The following INTS7 variants were observed in gnomAD, a reference collection of about 807,000 sequenced individuals.
INTS7 encodes the protein integrator complex subunit 7, also known as chromosome 1 open reading frame 73.
INTS7 carries 46 observed loss-of-function variants against 109.2 expected under a neutral mutation model. The observed-to-expected ratio is 0.42, with a 90% CI of 0.33 to 0.54. The LOEUF is 0.54. Ranked by LOEUF, INTS7 falls within the 20% of genes least tolerant of loss-of-function variation. The probability of loss-of-function intolerance (pLI) is 0.07; values close to 1 mark genes in which losing one functional copy is unlikely to be tolerated. For missense variants in INTS7, 929 were observed against 1,132.4 expected (o/e 0.82, Z 2.58); for synonymous variants, 412 against 402.9 (o/e 1.02, Z -0.27).
intron 1 of INTS7, among the ~76,000 whole-genome samples, chr1:212,026,815 GA>G (rs1666943303): frequency 6.6e-6 from 1 of 152,158 alleles, no homozygotes; most frequent in Admixed American, 6.5e-5. Context: ...AACCTTGGCT[GA>G]GATGAAAAAG....
chr1:211,991,712 A>G (rs1665155826), intron 7 of INTS7, among the ~76,000 whole-genome samples: 1 of 152,268 alleles, frequency 6.6e-6, no homozygotes. Flanking sequence ...CTCAGGTAAA[A>G]GGACTAGATT....
At chr1:211,967,280 G>A (rs146359659) in intron 15 of INTS7, among the ~76,000 whole-genome samples, 3,953 of 151,644 alleles carry the variant, frequency 0.026, 58 homozygotes, top group African/African-American at 0.046. Flanking sequence ...GTGAAACCCC[G>A]TCTCTACTAA....
Position 211,982,798 on chromosome 1 carries a change from G to A in INTS7, c.1010C>T (p.Ser337Phe), listed in dbSNP as rs144912933. The change falls in exon 9 of 20, where the codon TCT becomes TTT. Residue 337 changes from serine (S) to phenylalanine (F), a missense_variant. Physicochemically the swap from Ser to Phe is radical, Grantham distance 155 (BLOSUM62 -2). Around this residue, in one of 2 missense-constraint regions of INTS7, gnomAD observed 787 missense variants for 901.1 expected, o/e 0.87. Coordinates refer to ENST00000366994, the MANE Select transcript of INTS7 (RefSeq NM_015434.4). ...GACTAAATCAGAAGATCTGGGAGAA[G>A]AACTCACATTTCCTAAAAAAGCAGA... ...YFSIVPGNVS[S>F]SPRSSDLVKL... 88 of 1,605,048 alleles carry A rather than the reference G, an allele frequency of 5.5e-5. No individual in the cohort carries two copies. Among genetic ancestry groups the A allele is most frequent in the Non-Finnish European group, 7.4e-5 (87 of 1,175,738 alleles).
chr1:211,978,030 C>T (rs1450445289), intron 11 of INTS7, among the ~76,000 whole-genome samples: 1 of 152,002 alleles, frequency 6.6e-6, no homozygotes, highest in Non-Finnish European at 1.5e-5. Context: ...GACAGGGTTT[C>T]GGAAGAAAGC....
intron 8 of INTS7, 22 bp downstream of exon 8, chr1:211,987,864 G>T: frequency 2.4e-6 from 3 of 1,265,694 alleles, no homozygotes; most frequent in Non-Finnish European, 3.4e-6. Flanking sequence ...TATTTATATG[G>T]TATCTCCTGT....
intron 4 of INTS7, among the ~76,000 whole-genome samples, chr1:212,013,198 TC>T (rs1204827437): frequency 6.6e-6 from 1 of 150,592 alleles, no homozygotes; most frequent in African/African-American, 2.5e-5. Flanking sequence ...TGTCTCTGTG[TC>T]TTTTCTTTGA....
intron 1 of INTS7, among the ~76,000 whole-genome samples, chr1:212,029,729 T>C (rs572360188): frequency 5.3e-4 from 80 of 152,300 alleles, no homozygotes; most frequent in South Asian, 1.7e-3. Flanking sequence ...GTGACATACA[T>C]TTGCTTTAGC....
intron 4 of INTS7, among the ~76,000 whole-genome samples, chr1:212,014,779 G>A (rs1666334257): frequency 2.0e-5 from 3 of 152,154 alleles, no homozygotes; most frequent in South Asian, 2.1e-4. Context: ...TCCTGACCGC[G>A]AGTGATCTGC....
chr1:211,967,276 C>T (rs895065770), intron 15 of INTS7, among the ~76,000 whole-genome samples: 2 of 151,654 alleles, frequency 1.3e-5, no homozygotes, highest in Non-Finnish European at 2.9e-5. Context: ...CATGGTGAAA[C>T]CCCGTCTCTA....
chr1:212,007,621 CTAAG>C (rs1665986781), intron 5 of INTS7, among the ~76,000 whole-genome samples, 172 bp from the exon 6 acceptor site: 3 of 152,010 alleles, frequency 2.0e-5, no homozygotes, highest in South Asian at 4.2e-4. Flanking sequence ...ATATTTTTTC[CTAAG>C]TATTTATCTT....
chr1:211,946,578 T>A lies in INTS7; in HGVS notation c.2415+29A>T, dbSNP rs747177685. Reference sequence around the variant, plus strand: ...AGAAGACACCTGGTTTTAAAACCTATATTAACCTTAGTATTCTTCCTGTAT... The same window carrying A: ...AGAAGACACCTGGTTTTAAAACCTAAATTAACCTTAGTATTCTTCCTGTAT... On this transcript the variant is annotated intron_variant, in intron 18 of 19. Coordinates refer to ENST00000366994, the MANE Select transcript of INTS7 (RefSeq NM_015434.4). The surrounding 1 kb of genome is among the most constrained non-coding windows in gnomAD (Gnocchi z 4.3). 1 of 1,334,594 alleles carries A rather than the reference T, an allele frequency of 7.5e-7. No individual in the cohort carries two copies. The highest frequency in any genetic ancestry group is 1.1e-6 in the Non-Finnish European group (1 of 927,292). The allele number at this position is 1,334,594 out of a possible 1,614,324, so 82.7% of individuals were successfully genotyped here.
rs116214150 is a variant in INTS7 at position 211,964,275 on chromosome 1, C to T, written c.2183+2155G>A. Among the ~76,000 whole-genome samples, 405 of 151,736 alleles carry T rather than the reference C, an allele frequency of 2.7e-3. 4 individuals are homozygous for T. Among genetic ancestry groups the T allele is most frequent in the African/African-American group, 9.5e-3 (395 of 41,454 alleles). The stretch of plus-strand genomic sequence containing the variant: ...AAGAATAAAATACCTAGGAATACAG[C>T]TAACTGGGGAGATGAAAGCAAAACA... On this transcript the variant is annotated intron_variant, in intron 16 of 19. Coordinates refer to ENST00000366994, the MANE Select transcript of INTS7 (RefSeq NM_015434.4).
chr1:211,980,393 A>T (rs2102426434), intron 10 of INTS7, among the ~76,000 whole-genome samples: 1 of 152,276 alleles, frequency 6.6e-6, no homozygotes. Flanking sequence ...CACAAATTAT[A>T]TTTCACGTTT....
intron 15 of INTS7, among the ~76,000 whole-genome samples, chr1:211,967,080 C>T (rs535213799): frequency 6.6e-6 from 1 of 152,198 alleles, no homozygotes; most frequent in African/African-American, 2.4e-5. Flanking sequence ...GAAAGTCCTA[C>T]AACTTAAAAA....
intron 1 of INTS7, among the ~76,000 whole-genome samples, chr1:212,034,535 ATAAAGGTT>A (rs1410863525): frequency 4.6e-5 from 7 of 152,218 alleles, no homozygotes; most frequent in African/African-American, 1.7e-4. Flanking sequence ...TCAATATGAA[ATAAAGGTT>A]TCATATTACT....
intron 7 of INTS7, among the ~76,000 whole-genome samples, chr1:212,000,724 T>C (rs1264809226): frequency 6.6e-6 from 1 of 152,184 alleles, no homozygotes; most frequent in Non-Finnish European, 1.5e-5. Flanking sequence ...CCATACCTAA[T>C]GACCATGTTT....
intron 1 of INTS7, among the ~76,000 whole-genome samples, chr1:212,032,931 A>C (rs1558063858): frequency 1.3e-5 from 2 of 151,726 alleles, no homozygotes; most frequent in East Asian, 1.9e-4. Context: ...TAAGAAATCA[A>C]CTCCAGCCCC....
chr1:212,006,652 C>T lies in INTS7; in HGVS notation c.866G>A (p.Arg289Lys). 1 of 1,547,194 alleles carries T rather than the reference C, an allele frequency of 6.5e-7. No individual in the cohort carries two copies. Among genetic ancestry groups the T allele is most frequent in the Non-Finnish European group, 8.9e-7 (1 of 1,124,400 alleles). The change falls in exon 7 of 20, where the codon AGG becomes AAG. Residue 289 changes from arginine (R) to lysine (K), a missense_variant. Coordinates refer to ENST00000366994, the MANE Select transcript of INTS7 (RefSeq NM_015434.4). ...LANKTPHTWS[R>K]ENIQALCECA... ...AGTTCTACATACCTGAATATTCTCC[C>T]TACTCCAAGTATGTGGTGTTTTATT...
In INTS7 at chr1:211,946,625, T is replaced by C; in HGVS notation, c.2397A>G (p.Leu799=). The change falls in exon 18 of 20, where the codon CTA becomes CTG. Residue 799 remains leucine (L), a synonymous_variant. Coordinates refer to ENST00000366994, the MANE Select transcript of INTS7 (RefSeq NM_015434.4). This position sits in a 1 kb window ranked among gnomAD's most constrained non-coding sequence, Gnocchi z 4.3. ...GTATTACCTTGATGCTGGTAGACTGTAGTTTCTGGAAAAAATATCTCTGGA... is the reference window on the plus strand; with the variant it reads ...GTATTACCTTGATGCTGGTAGACTGCAGTTTCTGGAAAAAATATCTCTGGA... ...LSFQRYFFQK[L]QSTSIKLALS... 1 of 1,607,298 alleles carries C rather than the reference T, an allele frequency of 6.2e-7. No individual in the cohort carries two copies. Among genetic ancestry groups the C allele is most frequent in the South Asian group, 1.1e-5 (1 of 90,916 alleles).
Sources: gnomAD v4.1 joint callset for allele counts (sites outside exome capture counted in the v4.1 genomes callset) on GRCh38, gnomAD v4.1.1 for gene constraint, gnomAD v4.1.1 regional missense constraint, Gnocchi (gnomAD v3.1) non-coding constraint, MANE v1.5 for transcripts, NCBI Gene and HGNC (gene_info 2026-07-23, HGNC 2026-07-21) for gene names.